Variants in CHD6 observed in about 807,000 individuals in gnomAD.
CHD6 encodes chromodomain helicase DNA binding protein 6.
A neutral mutation model predicts 276.9 loss-of-function variants in CHD6; 50 were observed. That is an observed-to-expected ratio of 0.18 (90% CI 0.14 to 0.23). CHD6 has a LOEUF of 0.23. Ranked by LOEUF, CHD6 falls within the 10% of genes least tolerant of loss-of-function variation. CHD6 has a pLI of 1.00. For missense variants in CHD6, 2,564 were observed against 3,365.8 expected, an observed-to-expected ratio of 0.76 and a Z score of 5.89; for synonymous variants, 1,173 against 1,229.3, an observed-to-expected ratio of 0.95 and a Z score of 0.96.
In CHD6 at chr20:41,404,346, C is replaced by T. The variant is rs947475169; in HGVS notation, c.*247G>A. 25 of 1,210,692 alleles carry T rather than the reference C, an allele frequency of 2.1e-5. 1 individual carries two copies. The African/African-American group carries it at 2.8e-4, about 14-fold the overall frequency. The allele number at this position is 1,210,692 out of a possible 1,614,324, so 75.0% of individuals were successfully genotyped here. ...CCAAGTACTGTATTAACTATGATTG[C>T]TGGAATGAACTGGATAACAGAATGA... On this transcript the variant is annotated 3_prime_UTR_variant, in exon 37 of 37. Coordinates refer to ENST00000373233, the MANE Select transcript of CHD6 (RefSeq NM_032221.5).
intron 17 of CHD6, among the ~76,000 whole-genome samples, chr20:41,470,076 G>A (rs1025601887): frequency 2.0e-4 from 31 of 152,248 alleles, no homozygotes; most frequent in African/African-American, 7.5e-4. Flanking sequence ...AGGGGCGTGG[G>A]AATGTGTGTG....
chr20:41,589,169 C>A (rs1167892381), intron 1 of CHD6, among the ~76,000 whole-genome samples: 2 of 152,148 alleles, frequency 1.3e-5, no homozygotes, highest in South Asian at 4.1e-4. Flanking sequence ...ATTCAACAGC[C>A]CTTCATGCTA....
At chr20:41,512,824 T>C (rs2044153482) in intron 5 of CHD6, 22 bp downstream of exon 5, 1 of 1,613,682 alleles carries the variant, frequency 6.2e-7, no homozygotes, top group Non-Finnish European at 8.5e-7. Flanking sequence ...CCAAGGTCAG[T>C]AACCTCATGC....
In CHD6 at chr20:41,452,323, A is replaced by G. The variant is rs1569093764; in HGVS notation, c.3324-298T>C. Among the ~76,000 whole-genome samples, 1 of 152,260 alleles carries G rather than the reference A, an allele frequency of 6.6e-6. No homozygotes were observed. Among genetic ancestry groups the G allele is most frequent in the Non-Finnish European group, 1.5e-5 (1 of 68,042 alleles). On this transcript the variant is annotated intron_variant, in intron 21 of 36. Transcript: ENST00000373233. The surrounding 1 kb of genome is among the most constrained non-coding windows in gnomAD (Gnocchi z 4.2). ...ATAAATTTGGAATCAAAAAGAGTCCAACAGCACTATTCAAAAGCAATGATG... is the reference window on the plus strand; with the variant it reads ...ATAAATTTGGAATCAAAAAGAGTCCGACAGCACTATTCAAAAGCAATGATG...
At chr20:41,586,309 T>TGTC (rs961780759) in intron 1 of CHD6, among the ~76,000 whole-genome samples, 4 of 152,172 alleles carry the variant, frequency 2.6e-5, no homozygotes, top group Non-Finnish European at 5.9e-5. Context: ...TCCGGCAGGG[T>TGTC]GTCCGCTGTG....
intron 1 of CHD6, among the ~76,000 whole-genome samples, chr20:41,566,942 C>T (rs896006229): frequency 1.3e-5 from 2 of 152,092 alleles, no homozygotes; most frequent in Non-Finnish European, 2.9e-5. Flanking sequence ...ACAAGAGGGC[C>T]CAACCGTGAC....
intron 1 of CHD6, among the ~76,000 whole-genome samples, chr20:41,578,473 G>C (rs148813096): frequency 6.6e-6 from 1 of 152,174 alleles, no homozygotes; most frequent in East Asian, 1.9e-4. Context: ...TTACAATGTA[G>C]CAATAGTGAA....
chr20:41,519,414 AAC>A (rs529375724), intron 3 of CHD6, among the ~76,000 whole-genome samples: 21 of 152,374 alleles, frequency 1.4e-4, no homozygotes, highest in South Asian at 6.2e-4. Flanking sequence ...ACGATATAAA[AAC>A]ACATATTCAT....
At chr20:41,500,250 C>T (rs564065604) in intron 5 of CHD6, among the ~76,000 whole-genome samples, 1 of 152,204 alleles carries the variant, frequency 6.6e-6, no homozygotes, top group African/African-American at 2.4e-5. Context: ...CTGGCTGGAA[C>T]GTCCCAGAAG....
chr20:41,423,069 G>A (rs1259369904), intron 30 of CHD6, among the ~76,000 whole-genome samples: 1 of 152,186 alleles, frequency 6.6e-6, no homozygotes, highest in Non-Finnish European at 1.5e-5. Flanking sequence ...ATATTTAAAT[G>A]ACAGCCACTT....
intron 34 of CHD6, 27 bp from the exon 35 acceptor site, chr20:41,413,542 T>C (rs772085321): frequency 1.2e-5 from 17 of 1,462,594 alleles, no homozygotes; most frequent in Non-Finnish European, 1.5e-5. Flanking sequence ...CGAGTATGTA[T>C]AATCACGACA....
intron 1 of CHD6, among the ~76,000 whole-genome samples, chr20:41,570,759 C>T (rs2045407882): frequency 6.6e-6 from 1 of 152,232 alleles, no homozygotes; most frequent in African/African-American, 2.4e-5. Flanking sequence ...ACTAATGTGA[C>T]TCACTTTAAC....
At chr20:41,599,624 T>A (rs923338876) in intron 1 of CHD6, among the ~76,000 whole-genome samples, 1 of 152,072 alleles carries the variant, frequency 6.6e-6, no homozygotes, top group Non-Finnish European at 1.5e-5. Context: ...AAAGCCAAGA[T>A]ATGTTACAAA....
At chr20:41,471,624 C>T (rs557056566) in intron 17 of CHD6, among the ~76,000 whole-genome samples, 42 of 152,054 alleles carry the variant, frequency 2.8e-4, no homozygotes, top group Admixed American at 2.7e-3. Context: ...CAAGCTCCGC[C>T]TCGTGGGTTC....
In CHD6 at chr20:41,493,607, C is replaced by T; in HGVS notation, c.1245G>A (p.Glu415=). 1 of 1,613,850 alleles carries T rather than the reference C, an allele frequency of 6.2e-7. No individual in the cohort carries two copies. Among genetic ancestry groups the T allele is most frequent in the Non-Finnish European group, 8.5e-7 (1 of 1,179,816 alleles). The change falls in exon 10 of 37, where the codon GAG becomes GAA. Residue 415 remains glutamate, a synonymous_variant. Transcript: ENST00000373233. Reference sequence around the variant, plus strand: ...TAACTTTTGCAGGATCTACATCTTCCTCTAGCTCCCACGTGCTTTCTTCAT... The same window carrying T: ...TAACTTTTGCAGGATCTACATCTTCTTCTAGCTCCCACGTGCTTTCTTCAT... The part of the protein sequence containing the change: ...LPYEESTWEL[E]EDVDPAKVKE...
chr20:41,502,442 T>C (rs1236029326), intron 5 of CHD6, among the ~76,000 whole-genome samples: 1 of 152,224 alleles, frequency 6.6e-6, no homozygotes, highest in Non-Finnish European at 1.5e-5. Context: ...AATAGGCACA[T>C]GTGGCTGATA....
At position 41,420,501 on chromosome 20, in the gene CHD6, A is replaced by G. The variant is rs770511335; in HGVS notation, c.6127+7T>C. On this transcript the variant is annotated splice_region_variant and intron_variant, in intron 31 of 36. Transcript: ENST00000373233. ...TCCAAAATGCCACAAGATCCTACAT[A>G]CTGTACCTTGACTATGGCAGTTTCC... The G allele has an allele frequency of 1.2e-6, 2 of 1,603,298 alleles. No homozygotes were observed. The highest frequency in any genetic ancestry group is 1.7e-6 in the Non-Finnish European group (2 of 1,176,838).
At chr20:41,418,513 A>G (rs2047077564) in intron 31 of CHD6, among the ~76,000 whole-genome samples, 1 of 152,222 alleles carries the variant, frequency 6.6e-6, no homozygotes, top group Non-Finnish European at 1.5e-5. Flanking sequence ...CTAGGCCAGA[A>G]TAGAAAATTT....
At chr20:41,426,001 T>G in intron 28 of CHD6, 92 bp downstream of exon 28, 1 of 986,662 alleles carries the variant, frequency 1.0e-6, no homozygotes, top group Non-Finnish European at 1.6e-6. Flanking sequence ...AGAGCCTCCT[T>G]AAAAAACTAC....
Sources: allele counts gnomAD v4.1 joint callset (sites outside exome capture counted in the v4.1 genomes callset), GRCh38; gene constraint gnomAD v4.1.1; non-coding constraint Gnocchi (gnomAD v3.1); transcripts MANE v1.5; gene names NCBI Gene and HGNC (gene_info 2026-07-23, HGNC 2026-07-21).